The following ARHGAP9 variants were observed in gnomAD, a reference collection of about 807,000 sequenced individuals.
ARHGAP9 encodes rho GTPase-activating protein 9.
In ARHGAP9, 76 loss-of-function variants were observed where a neutral mutation model predicts 87.3. The observed-to-expected ratio is 0.87, with a 90% CI of 0.72 to 1.05. The LOEUF (loss-of-function observed/expected upper bound fraction) is 1.05. Ranked by LOEUF, ARHGAP9 falls within the 50% of genes least tolerant of loss-of-function variation. The probability of loss-of-function intolerance (pLI) is 0.00; values close to 1 mark genes in which losing one functional copy is unlikely to be tolerated. For missense variants in ARHGAP9, 941 were observed against 960.5 expected, an observed-to-expected ratio of 0.98 and a Z score of 0.27; for synonymous variants, 382 against 394.9, an observed-to-expected ratio of 0.97 and a Z score of 0.39.
intron 1 of ARHGAP9, chr12:57,487,968 C>A: frequency 5.3e-6 from 4 of 752,146 alleles, no homozygotes; most frequent in Non-Finnish European, 9.5e-6. Flanking sequence ...GTCTACTTTC[C>A]GGTAGCGGTG....
chr12:57,478,788 A>C (rs765464513), intron 2 of ARHGAP9, 31 bp from the exon 3 acceptor site: 3 of 1,566,318 alleles, frequency 1.9e-6, no homozygotes, highest in Non-Finnish European at 2.6e-6. Context: ...GGTGGGTGGC[A>C]GGTGATCAGA....
upstream of ARHGAP9, chr12:57,480,041 G>A (rs1874853314): frequency 1.0e-6 from 1 of 985,276 alleles, no homozygotes; most frequent in African/African-American, 1.7e-5. Flanking sequence ...AGACAAAGTG[G>A]GAGAAACACA....
chr12:57,487,911 G>A, intron 1 of ARHGAP9: 1 of 561,180 alleles, frequency 1.8e-6, no homozygotes, highest in Admixed American at 3.3e-5. Flanking sequence ...TCTTCATCTC[G>A]ATGATAGTCT....
exon 1 of ARHGAP9, chr12:57,488,755 G>C: frequency 8.3e-7 from 1 of 1,204,228 alleles, no homozygotes; most frequent in Non-Finnish European, 1.2e-6. Context: ...TTAAGTTCTT[G>C]GCTGCAGCAC....
chr12:57,474,364 G>A (rs546444349), intron 15 of ARHGAP9, 59 bp downstream of exon 15: 53 of 1,604,642 alleles, frequency 3.3e-5, no homozygotes, highest in East Asian at 4.5e-5. Flanking sequence ...GGGTTTCCAC[G>A]GGAAGCAAAG....
intron 6 of ARHGAP9, 83 bp from the exon 7 acceptor site, chr12:57,476,734 G>T: frequency 6.3e-7 from 1 of 1,581,848 alleles, no homozygotes; most frequent in Non-Finnish European, 8.7e-7. Flanking sequence ...TCTCCCAGGA[G>T]TGAAGTCCCT....
chr12:57,476,624 T>C lies in ARHGAP9; in HGVS notation c.991A>G (p.Met331Val), dbSNP rs749116021. Residue 331 changes from methionine (M) to valine (V), a missense_variant, in exon 7 of 18, where the codon ATG (methionine) becomes GTG (valine). Transcript: ENST00000393791. ...HEVEKSGLLN[M>V]TKIAQGGRKL... ...CGCCCCCCTTGGGCAATCTTGGTCA[T>C]GTTGAGCAGACCCGACTTTTCCACC... The C allele has an allele frequency of 1.9e-6, 3 of 1,614,076 alleles. No homozygotes were observed. The highest frequency in any genetic ancestry group is 1.6e-4 in the Middle Eastern group (1 of 6,062).
rs372239208 is a variant in ARHGAP9, at chr12:57,478,561, C to G, written c.513G>C (p.Pro171=). Residue 171 remains proline (P), a synonymous_variant, in exon 3 of 18, where the codon CCG becomes CCC. Transcript: ENST00000393791. The part of the protein sequence containing the change: ...SGRSLSQEDL[P]SEASASTAGP... Reference sequence around the variant, plus strand: ...TCACTGTGCTGGCACTGGCTTCTGACGGCAAGTCTTCCTGGGAGAGGGATC... The same window carrying G: ...TCACTGTGCTGGCACTGGCTTCTGAGGGCAAGTCTTCCTGGGAGAGGGATC... 1 of 1,613,982 alleles carries G rather than the reference C, an allele frequency of 6.2e-7. No homozygotes were observed. The highest frequency in any genetic ancestry group is 8.5e-7 in the Non-Finnish European group (1 of 1,180,026).
chr12:57,488,660 T>C, exon 1 of ARHGAP9: 1 of 1,550,158 alleles, frequency 6.5e-7, no homozygotes, highest in Non-Finnish European at 8.7e-7. Context: ...GGAGGTTCTC[T>C]TGTAAGTCTT....
chr12:57,474,272 T>C, intron 15 of ARHGAP9, 96 bp from the exon 16 acceptor site: 1 of 1,581,958 alleles, frequency 6.3e-7, no homozygotes, highest in Non-Finnish European at 8.6e-7. Context: ...CAAAGCAGAC[T>C]ATAGGAATGC....
upstream of ARHGAP9, among the ~76,000 whole-genome samples, chr12:57,482,960 A>T (rs944204721): frequency 3.3e-5 from 5 of 151,272 alleles, no homozygotes; most frequent in Non-Finnish European, 7.4e-5. Flanking sequence ...TCAGCTGGGC[A>T]TGGCGGCAGG....
chr12:57,484,714 G>A (rs551078619), upstream of ARHGAP9, among the ~76,000 whole-genome samples: 34 of 152,076 alleles, frequency 2.2e-4, no homozygotes, highest in Non-Finnish European at 3.8e-4. Flanking sequence ...GTGCGATCCC[G>A]GCTCACTGCA....
rs1339127344 is a variant in ARHGAP9, at chr12:57,472,571, G to A, written c.2142C>T (p.Tyr714=). ...GCATCAGCTGGACCAGCTGCCCTGG[G>A]TAGAGAGCATGGGCTGCTGGGTCAG... ...ETSDPAAHAL[Y]PGQLVQLMLT... The change falls in exon 18 of 18, where the codon TAC becomes TAT. Residue 714 remains tyrosine (Y), a synonymous_variant. Transcript: ENST00000393791. 6.2e-7 allele frequency: 1 copy of A among 1,614,224 alleles called. No individual in the cohort carries two copies. The highest frequency in any genetic ancestry group is 1.3e-5 in the African/African-American group (1 of 75,060).
rs537426426 is a variant in ARHGAP9 at position 57,477,013 on chromosome 12, T to C, written c.871-50A>G. 5.5e-6 allele frequency: 8 copies of C among 1,451,408 alleles called. No individual in the cohort carries two copies. The South Asian group carries it at 9.1e-5, about 16-fold the overall frequency. The allele number at this position is 1,451,408 out of a possible 1,614,324, so 89.9% of individuals were successfully genotyped here. The stretch of plus-strand genomic sequence containing the variant: ...GGTGGGGAAACGCTCGACTCAGGGA[T>C]CCCTGGCTGAAGGAGGAAGAGGGGT... On this transcript the variant is annotated intron_variant, in intron 5 of 17. Coordinates refer to ENST00000393791, the MANE Select transcript of ARHGAP9 (RefSeq NM_032496.4).
intron 5 of ARHGAP9, 71 bp from the exon 6 acceptor site, chr12:57,477,034 G>T (rs1411702548): frequency 6.5e-7 from 1 of 1,547,374 alleles, no homozygotes; most frequent in South Asian, 1.1e-5. Flanking sequence ...AGGAGGAAGA[G>T]GGGTGGGATA....
chr12:57,480,793 T>C (rs1410804737), upstream of ARHGAP9: 15 of 1,550,532 alleles, frequency 9.7e-6, no homozygotes, highest in Non-Finnish European at 1.2e-5. Context: ...CACTCCTCTT[T>C]TCCTCTTCTC....
rs1214212666 is a variant in ARHGAP9, at chr12:57,476,858, A to G, written c.963+13T>C. ...GGAGGATCTTGGCCTTCACAAAGAA[A>G]TGGGAGATTCACATGGGGGTCGTCC... On this transcript the variant is annotated intron_variant, in intron 6 of 17. Transcript: ENST00000393791. The G allele has an allele frequency of 3.1e-6, 5 of 1,611,152 alleles. No homozygotes were observed. The highest frequency in any genetic ancestry group is 3.4e-6 in the Non-Finnish European group (4 of 1,177,776).
chr12:57,475,746 CCA>C (rs1873388961), intron 10 of ARHGAP9, 85 bp downstream of exon 10: 1 of 1,491,036 alleles, frequency 6.7e-7, no homozygotes, highest in Non-Finnish European at 8.9e-7. Context: ...CACCCTGCCC[CCA>C]ACTGCTCCTG....
rs1872913713 is a variant in ARHGAP9 at position 57,474,608 on chromosome 12, G to A, written c.1729+18C>T. 1.2e-6 allele frequency: 2 copies of A among 1,613,974 alleles called. No homozygotes were observed. Among genetic ancestry groups the A allele is most frequent in the African/African-American group, 2.7e-5 (2 of 74,898 alleles). ...CAAGACATTCTTAGTACAACCACTG[G>A]CCCACAAGCCTTCTCACCTCTGTCC... On this transcript the variant is annotated intron_variant, in intron 14 of 17. Transcript: ENST00000393791.
Sources: allele counts gnomAD v4.1 joint callset (sites outside exome capture counted in the v4.1 genomes callset), GRCh38; gene constraint gnomAD v4.1.1; transcripts MANE v1.5; gene names NCBI Gene and HGNC (gene_info 2026-07-23, HGNC 2026-07-21).